Variants in SYNE1 observed in about 807,000 individuals in gnomAD.
The protein encoded by SYNE1 is spectrin repeat containing nuclear envelope protein 1, also known as nesprin-1.
In SYNE1, 616 loss-of-function variants were observed where a neutral mutation model predicts 1,111.0. The ratio of observed to expected loss-of-function variants is 0.55; its 90% confidence interval spans 0.52 to 0.59. SYNE1 has a LOEUF of 0.59. Among genes scored for constraint, SYNE1 ranks in the 20% least tolerant of loss-of-function variants. The pLI is 0.00. For synonymous variants in SYNE1, 3,855 were observed against 3,825.8 expected, an observed-to-expected ratio of 1.01 and a Z score of -0.28; for missense variants, 10,006 against 10,417.0, an observed-to-expected ratio of 0.96 and a Z score of 1.72.
At chr6:152,346,696 G>A (rs894551712) in intron 73 of SYNE1, among the ~76,000 whole-genome samples, 4 of 151,956 alleles carry the variant, frequency 2.6e-5, no homozygotes, top group Non-Finnish European at 5.9e-5. Flanking sequence ...TGTAGTCCCA[G>A]CTACTCGGGA....
At chr6:152,277,751 T>A (rs1443884921) in intron 98 of SYNE1, 1 of 360,348 alleles carries the variant, frequency 2.8e-6, no homozygotes, top group African/African-American at 2.1e-5. Context: ...GCTTATCTCA[T>A]TCCTCTATAT....
rs138071435 is a variant in SYNE1, at chr6:152,334,216, C to T, written c.12586G>A (p.Val4196Met). The change falls in exon 77 of 146, where the codon GTG (valine) becomes ATG (methionine). Residue 4196 changes from valine (V) to methionine (M), a missense_variant. By Grantham distance (21) the Val-to-Met change is conservative (BLOSUM62 1). Around this residue, in one of 7 missense-constraint regions of SYNE1, gnomAD observed 4,955 missense variants for 5,017.2 expected, o/e 0.99. Coordinates refer to ENST00000367255, the MANE Select transcript of SYNE1 (RefSeq NM_182961.4). Reference sequence around the variant, plus strand: ...TCCTCCTTCTTTGTTAACTTATTCACCTTTTCTATTATGGTGTTCACGGAT... The same window carrying T: ...TCCTCCTTCTTTGTTAACTTATTCATCTTTTCTATTATGGTGTTCACGGAT... ...QASVNTIIEK[V>M]NKLTKKEESP... The T allele has an allele frequency of 2.5e-6, 4 of 1,614,048 alleles. No individual in the cohort carries two copies. The highest frequency in any genetic ancestry group is 2.2e-5 in the South Asian group (2 of 91,076).
At chr6:152,136,107 G>T (rs1411785719) in intron 141 of SYNE1, among the ~76,000 whole-genome samples, 1 of 152,146 alleles carries the variant, frequency 6.6e-6, no homozygotes, top group Non-Finnish European at 1.5e-5. Flanking sequence ...ATCCACGTCT[G>T]CAAGTATCTG....
chr6:152,385,531 T>C, intron 55 of SYNE1, 143 bp downstream of exon 55: 2 of 860,624 alleles, frequency 2.3e-6, no homozygotes, highest in Non-Finnish European at 3.7e-6. Context: ...ATGACTCTTG[T>C]TTATGTGTAG....
intron 51 of SYNE1, among the ~76,000 whole-genome samples, chr6:152,391,871 T>C (rs1299181731): frequency 1.3e-5 from 2 of 152,170 alleles, no homozygotes; most frequent in African/African-American, 4.8e-5. Flanking sequence ...CAGAAAATGG[T>C]CCCAGCTGCC....
intron 91 of SYNE1, 128 bp from the exon 92 acceptor site, chr6:152,302,191 T>C (rs1352070606): frequency 7.9e-7 from 1 of 1,272,746 alleles, no homozygotes; most frequent in African/African-American, 1.5e-5. Flanking sequence ...AGGCAGGATG[T>C]GTAGGCGGCG....
chr6:152,134,331 C>T (rs983081433), intron 142 of SYNE1: 5 of 152,204 alleles, frequency 3.3e-5, no homozygotes, highest in African/African-American at 1.2e-4. Context: ...TTTCAGAAAA[C>T]TTGATGCTCA....
intron 128 of SYNE1, among the ~76,000 whole-genome samples, chr6:152,182,837 T>C (rs1476651683): frequency 6.6e-6 from 1 of 152,228 alleles, no homozygotes. Flanking sequence ...GAGAAATTTA[T>C]TCTTTTGATT....
Position 152,207,989 on chromosome 6 carries a change from G to A in SYNE1, c.22807C>T (p.Leu7603Phe). Residue 7603 changes from leucine to phenylalanine, a missense_variant, in exon 125 of 146, where the codon CTC (leucine) becomes TTC (phenylalanine). Around this residue, in one of 7 missense-constraint regions of SYNE1, gnomAD observed 2,182 missense variants for 2,287.8 expected, o/e 0.95. Transcript: ENST00000367255. ...CATCTTACCTGCACTTCATCAAAGA[G>A]GGTCCTTGCTTGTTGCAGTGGTATA... ...VPIPLQQARTLFDEVQFKEKV... is the reference protein window; with the variant it reads ...VPIPLQQARTFFDEVQFKEKV... 1.2e-6 allele frequency: 2 copies of A among 1,614,136 alleles called. No individual in the cohort carries two copies. Among genetic ancestry groups the A allele is most frequent in the Middle Eastern group, 1.6e-4 (1 of 6,062 alleles).
At chr6:152,388,963 A>C (rs1359607036) in intron 53 of SYNE1, among the ~76,000 whole-genome samples, 1 of 152,236 alleles carries the variant, frequency 6.6e-6, no homozygotes, top group Non-Finnish European at 1.5e-5. Context: ...AGACAATGAT[A>C]GCATCTGATT....
intron 8 of SYNE1, among the ~76,000 whole-genome samples, chr6:152,505,937 G>A (rs1006389086): frequency 2.6e-5 from 4 of 152,212 alleles, no homozygotes; most frequent in Admixed American, 2.6e-4. Flanking sequence ...CAGTAGAATA[G>A]ACAAATGCAA....
chr6:152,438,575 A>G (rs13194025), intron 32 of SYNE1, among the ~76,000 whole-genome samples: 1 of 152,224 alleles, frequency 6.6e-6, no homozygotes, highest in Non-Finnish European at 1.5e-5. Flanking sequence ...ATCTGGGATG[A>G]AACCTAGGCT....
intron 101 of SYNE1, among the ~76,000 whole-genome samples, chr6:152,259,038 C>A (rs1363146037): frequency 6.6e-6 from 1 of 152,188 alleles, no homozygotes; most frequent in East Asian, 1.9e-4. Flanking sequence ...AGCCACTGCA[C>A]CCAGCCATCA....
At chr6:152,601,270 A>G (rs2099595353) in intron 3 of SYNE1, among the ~76,000 whole-genome samples, 2 of 152,246 alleles carry the variant, frequency 1.3e-5, no homozygotes, top group African/African-American at 2.4e-5. Context: ...CAAGATTTAT[A>G]TATGATGTGA....
rs373724765 is a variant in SYNE1, at chr6:152,323,592, A to G, written c.15803T>C (p.Leu5268Ser). ...VLELEQQQSA[L>S]GMLRQQTLSM... is the part of the protein sequence containing the mutation. ...CAGGGTTTGCTGCCGCAGCATGCCC[A>G]AGGCCGACTGCTGCTGCTCCAGCTC... Residue 5268 changes from leucine to serine, a missense_variant, in exon 82 of 146, where the codon TTG becomes TCG. Physicochemically the swap from Leu to Ser is moderately radical, Grantham distance 145. This residue lies in a region of SYNE1 where 4,955 missense variants were observed against 5,017.2 expected (regional missense o/e 0.99). Coordinates refer to ENST00000367255, the MANE Select transcript of SYNE1 (RefSeq NM_182961.4). 12 of 1,614,100 alleles carry G rather than the reference A, an allele frequency of 7.4e-6. No individual in the cohort carries two copies. Among genetic ancestry groups the G allele is most frequent in the Non-Finnish European group, 1.0e-5 (12 of 1,180,048 alleles).
chr6:152,456,841 C>T (rs918235210), intron 22 of SYNE1: 45 of 335,364 alleles, frequency 1.3e-4, no homozygotes, highest in African/African-American at 9.2e-4. Context: ...CATTTGGATG[C>T]CATTTTTGGA....
At chr6:152,391,899 A>G (rs1378429090) in intron 51 of SYNE1, among the ~76,000 whole-genome samples, 4 of 152,210 alleles carry the variant, frequency 2.6e-5, no homozygotes, top group Non-Finnish European at 5.9e-5. Flanking sequence ...GCTTCTCCGT[A>G]GCATCTCTGC....
intron 39 of SYNE1, among the ~76,000 whole-genome samples, chr6:152,423,831 C>A (rs2098308686): frequency 6.6e-6 from 1 of 152,178 alleles, no homozygotes; most frequent in Non-Finnish European, 1.5e-5. Flanking sequence ...AGAGCTTTTG[C>A]CATTTTTGCT....
Position 152,301,948 on chromosome 6 carries a change from A to C in SYNE1, c.17462T>G (p.Val5821Gly). 6.2e-7 allele frequency: 1 copy of C among 1,614,148 alleles called. No homozygotes were observed. The highest frequency in any genetic ancestry group is 8.5e-7 in the Non-Finnish European group (1 of 1,180,030). The change falls in exon 92 of 146, where the codon GTC becomes GGC. Residue 5821 changes from valine (V) to glycine (G), a missense_variant. By Grantham distance (109) the Val-to-Gly change is moderately radical (BLOSUM62 -3). Coordinates refer to ENST00000367255, the MANE Select transcript of SYNE1 (RefSeq NM_182961.4). Reference protein sequence around the residue: ...HATMLLTVTEVEGLAEGTEDL... With the variant: ...HATMLLTVTEGEGLAEGTEDL... ...CTCTGTCCCTTCCGCCAGCCCCTCG[A>C]CCTCGGTCACCGTCAGCAGCATGGT...
Sources: gnomAD v4.1 joint callset for allele counts (sites outside exome capture counted in the v4.1 genomes callset) on GRCh38, gnomAD v4.1.1 for gene constraint, gnomAD v4.1.1 regional missense constraint, MANE v1.5 for transcripts, NCBI Gene and HGNC (gene_info 2026-07-23, HGNC 2026-07-21) for gene names.